The following AIPL1 variants were observed in gnomAD, a reference collection of about 807,000 sequenced individuals.
The protein encoded by AIPL1 is AIP like 1 HSP90 co-chaperone.
AIPL1 carries 23 observed loss-of-function variants against 32.9 expected under a neutral mutation model. The observed-to-expected ratio is 0.70, with a 90% CI of 0.50 to 0.99. The LOEUF (loss-of-function observed/expected upper bound fraction) is 0.99, where lower values mean the gene tolerates loss of function less well. Ranked by LOEUF, AIPL1 falls within the 50% of genes least tolerant of loss-of-function variation. The pLI, the probability that AIPL1 is intolerant of heterozygous loss-of-function variation, is 0.00. For synonymous variants in AIPL1, 210 were observed against 209.4 expected, an observed-to-expected ratio of 1.00 and a Z score of -0.02; for missense variants, 485 against 506.0, an observed-to-expected ratio of 0.96 and a Z score of 0.40.
chr17:6,434,870 C>T (rs969707414), intron 1 of AIPL1, 139 bp downstream of exon 1: 2 of 1,451,664 alleles, frequency 1.4e-6, no homozygotes, highest in Non-Finnish European at 1.8e-6. Flanking sequence ...ACGCTGGGAG[C>T]TCCCCGGAGG....
At chr17:6,434,890 G>A (rs1417153648) in intron 1 of AIPL1, 119 bp downstream of exon 1, 2 of 1,538,242 alleles carry the variant, frequency 1.3e-6, no homozygotes, top group Admixed American at 2.0e-5. Flanking sequence ...GCCCAGCGCT[G>A]GGGCTGCCTG....
chr17:6,426,329 G>T, intron 5 of AIPL1: 1 of 1,389,354 alleles, frequency 7.2e-7, no homozygotes, highest in Non-Finnish European at 9.3e-7. Flanking sequence ...TATATTGATT[G>T]CCCCTCTTTT....
At position 6,430,178 on chromosome 17, in the gene AIPL1, G is replaced by C. The variant is rs1912452940; in HGVS notation, c.277-1672C>G. ...ATTAGGAAAACCCATAGTTACCATG[G>C]GGAGCAGTGGCTCATGCCTGTAATC... On this transcript the variant is annotated intron_variant, in intron 2 of 5. Transcript: ENST00000381129. 2.6e-5 allele frequency among the ~76,000 whole-genome samples: 4 copies of C among 152,028 alleles called. 1 individual carries two copies. The South Asian group carries it at 8.3e-4, about 32-fold the overall frequency.
At position 6,424,005 on chromosome 17, in the gene AIPL1, C is replaced by A. The variant is rs886053257; in HGVS notation, c.*1455G>T. 2.0e-5 allele frequency: 3 copies of A among 152,276 alleles called. No homozygotes were observed. The highest frequency in any genetic ancestry group is 7.2e-5 in the African/African-American group (3 of 41,468). The allele number at this position is 152,276 out of a possible 1,614,324, so 9.4% of individuals were successfully genotyped here. ...GCTGGATACTTCGTCGCCCCCCTGC[C>A]CCACCCCACACACCTGGGTGGTGCT... On this transcript the variant is annotated 3_prime_UTR_variant, in exon 6 of 6. Transcript: ENST00000381129.
rs5819114 is a variant in AIPL1 at position 6,427,810 on chromosome 17, CTT to C, written c.465+506_465+507del. 6.3e-3 allele frequency among the ~76,000 whole-genome samples: 911 copies of C among 144,760 alleles called. 7 individuals are homozygous for C. Among genetic ancestry groups the C allele is most frequent in the African/African-American group, 0.02 (758 of 37,688 alleles). The allele number at this position is 144,760 out of a possible 152,430, so 95.0% of individuals were successfully genotyped here. Reference sequence around the variant, plus strand: ...TTTTTAAAAACTGGTTCCAAGTGGACTTTTTTTTTTTTTCTTTTTTTTGGACA... The same window carrying C: ...TTTTTAAAAACTGGTTCCAAGTGGACTTTTTTTTTTTCTTTTTTTTGGACA... On this transcript the variant is annotated intron_variant, in intron 3 of 5. Transcript: ENST00000381129.
intron 2 of AIPL1, among the ~76,000 whole-genome samples, chr17:6,432,738 C>G (rs567134943): frequency 6.6e-6 from 1 of 151,702 alleles, no homozygotes; most frequent in African/African-American, 2.4e-5. Context: ...TCAAGTGATT[C>G]TCCTGCCTCA....
Position 6,425,347 on chromosome 17 carries a change from A to AT in AIPL1, c.*112dup. Reference sequence around the variant, plus strand: ...TTTACCATGGGTGTGTCTGACTTTGATTTCAAAAATTAATTTTAAATTTTA... The same window carrying AT: ...TTTACCATGGGTGTGTCTGACTTTGATTTTCAAAAATTAATTTTAAATTTTA... On this transcript the variant is annotated 3_prime_UTR_variant, in exon 6 of 6. Transcript: ENST00000381129. 1.6e-6 allele frequency: 2 copies of AT among 1,235,210 alleles called. No homozygotes were observed. Among genetic ancestry groups the AT allele is most frequent in the Admixed American group, 2.6e-5 (1 of 38,620 alleles). The allele number at this position is 1,235,210 out of a possible 1,614,324, so 76.5% of individuals were successfully genotyped here.
intron 2 of AIPL1, among the ~76,000 whole-genome samples, chr17:6,430,128 G>T (rs1912445460): frequency 6.6e-6 from 1 of 151,804 alleles, no homozygotes; most frequent in Admixed American, 6.6e-5. Context: ...ATGGGCTGGG[G>T]TGAGGAGATG....
chr17:6,428,654 C>T, intron 2 of AIPL1, 148 bp from the exon 3 acceptor site: 1 of 752,250 alleles, frequency 1.3e-6, no homozygotes, highest in South Asian at 1.5e-5. Context: ...GTGTGCCAGG[C>T]AAAGCACTTC....
chr17:6,432,256 A>G (rs1912672633), intron 2 of AIPL1, among the ~76,000 whole-genome samples: 1 of 151,876 alleles, frequency 6.6e-6, no homozygotes, highest in Non-Finnish European at 1.5e-5. Flanking sequence ...GGTGGCGGGC[A>G]CCTGTAGTCG....
At position 6,434,063 on chromosome 17, in the gene AIPL1, C is replaced by T; in HGVS notation, c.132G>A (p.Glu44=). 1.2e-6 allele frequency: 2 copies of T among 1,614,130 alleles called. No individual in the cohort carries two copies. Among genetic ancestry groups the T allele is most frequent in the Non-Finnish European group, 1.7e-6 (2 of 1,180,032 alleles). ...IFHFRTMKCD[E]ERTVIDDSRQ... Reference sequence around the variant, plus strand: ...GACTGTCGTCAATGACTGTCCGCTCCTCATCACATTTCATGGTGCGGAAAT... The same window carrying T: ...GACTGTCGTCAATGACTGTCCGCTCTTCATCACATTTCATGGTGCGGAAAT... The change falls in exon 2 of 6, where the codon GAG becomes GAA. Residue 44 remains glutamate, a synonymous_variant. Coordinates refer to ENST00000381129, the MANE Select transcript of AIPL1 (RefSeq NM_014336.5).
intron 1 of AIPL1, among the ~76,000 whole-genome samples, chr17:6,434,771 G>A (rs1403020658): frequency 6.6e-6 from 1 of 152,170 alleles, no homozygotes; most frequent in Non-Finnish European, 1.5e-5. Flanking sequence ...TCAACATTTA[G>A]GGCCCCAGAA....
At chr17:6,427,092 C>G in intron 3 of AIPL1, 35 bp from the exon 4 acceptor site, 1 of 1,612,430 alleles carries the variant, frequency 6.2e-7, no homozygotes, top group Non-Finnish European at 8.5e-7. Context: ...GAGGCAGGGA[C>G]CCCAGGGGCC....
At chr17:6,425,975 C>G in intron 5 of AIPL1, 145 bp from the exon 6 acceptor site, 1 of 1,197,450 alleles carries the variant, frequency 8.4e-7, no homozygotes, top group Non-Finnish European at 1.1e-6. Context: ...TCGGTTTCCT[C>G]AACTGTAAGA....
rs1405478914 is a variant in AIPL1, at chr17:6,426,749, G to A, written c.650C>T (p.Pro217Leu). ...CLRNLQTKEK[P>L]WEVQWLKLEK... ...CAGCTTCAGCCACTGCACCTCCCAT[G>A]GCTTCTCCTGCCCAGGGAGAAGGTC... Residue 217 changes from proline to leucine, a missense_variant, in exon 5 of 6, where the codon CCA becomes CTA. Transcript: ENST00000381129. 1.2e-6 allele frequency: 2 copies of A among 1,613,524 alleles called. No individual in the cohort carries two copies. Among genetic ancestry groups the A allele is most frequent in the East Asian group, 2.2e-5 (1 of 44,872 alleles).
At chr17:6,429,824 G>GATAGA (rs1912376648) in intron 2 of AIPL1, among the ~76,000 whole-genome samples, 1 of 67,530 alleles carries the variant, frequency 1.5e-5, no homozygotes, top group African/African-American at 3.7e-5. Context: ...AGGTAGGTAG[G>GATAGA]TAGATAGATA....
At chr17:6,430,400 G>C (rs1239541893) in intron 2 of AIPL1, among the ~76,000 whole-genome samples, 1 of 133,584 alleles carries the variant, frequency 7.5e-6, no homozygotes, top group African/African-American at 2.8e-5. Flanking sequence ...AGGTTGCAGT[G>C]AGCCAATCCC....
rs755639765 is a variant in AIPL1, at chr17:6,434,058, C to A, written c.137G>T (p.Arg46Leu). The change falls in exon 2 of 6, where the codon CGG becomes CTG. Residue 46 changes from arginine (R) to leucine (L), a missense_variant. Arg to Leu is a moderately radical substitution (Grantham distance 102). Coordinates refer to ENST00000381129, the MANE Select transcript of AIPL1 (RefSeq NM_014336.5). ...HFRTMKCDEERTVIDDSRQVG... is the reference protein window; with the variant it reads ...HFRTMKCDEELTVIDDSRQVG... ...CTGCCGACTGTCGTCAATGACTGTCCGCTCCTCATCACATTTCATGGTGCG... is the reference window on the plus strand; with the variant it reads ...CTGCCGACTGTCGTCAATGACTGTCAGCTCCTCATCACATTTCATGGTGCG... The A allele has an allele frequency of 6.2e-7, 1 of 1,614,108 alleles. No individual in the cohort carries two copies.
rs1224103737 is a variant in AIPL1, at chr17:6,426,658, A to G, written c.741T>C (p.Tyr247=). The G allele has an allele frequency of 1.9e-6, 3 of 1,614,070 alleles. No homozygotes were observed. Among genetic ancestry groups the G allele is most frequent in the Admixed American group, 3.3e-5 (2 of 60,012 alleles). ...CQCLLKKEEY[Y]EVLEHTSDIL... ...TATCACTGGTGTGCTCCAGCACCTC[A>G]TAGTACTCCTCCTTCTTCAGCAGGC... Residue 247 remains tyrosine, a synonymous_variant, in exon 5 of 6, where the codon TAT becomes TAC. Coordinates refer to ENST00000381129, the MANE Select transcript of AIPL1 (RefSeq NM_014336.5).
Sources: allele counts gnomAD v4.1 joint callset (sites outside exome capture counted in the v4.1 genomes callset), GRCh38; gene constraint gnomAD v4.1.1; transcripts MANE v1.5; gene names NCBI Gene and HGNC (gene_info 2026-07-23, HGNC 2026-07-21).